TAOK3: variants seen among roughly 807,000 people sequenced by gnomAD.
The protein encoded by TAOK3 is TAO kinase 3.
TAOK3 carries 40 observed loss-of-function variants against 120.4 expected under a neutral mutation model. The observed-to-expected ratio is 0.33, with a 90% CI of 0.26 to 0.43. The LOEUF (loss-of-function observed/expected upper bound fraction) is 0.43. TAOK3 is among the 20% of genes least tolerant of loss of function. The pLI is 1.00. For missense variants in TAOK3, 821 were observed against 1,112.1 expected (o/e 0.74, Z 3.72); for synonymous variants, 355 against 387.5 (o/e 0.92, Z 0.99).
chr12:118,348,985 C>T (rs973908371), intron 1 of TAOK3, among the ~76,000 whole-genome samples: 15 of 151,578 alleles, frequency 9.9e-5, no homozygotes, highest in East Asian at 5.8e-4. Flanking sequence ...GCCTCCCAGG[C>T]GGTTCAAGCA....
chr12:118,177,080 A>T lies in TAOK3; in HGVS notation c.1695+121T>A, dbSNP rs539530811. The T allele has an allele frequency of 4.0e-5, 44 of 1,093,116 alleles. 1 individual carries two copies. The East Asian group carries it at 1.1e-3, about 27-fold the overall frequency. 67.7% of individuals were successfully genotyped at this position (1,093,116 alleles called of 1,614,324 possible). A position where few individuals can be genotyped will look rare whatever the true frequency, so the allele number is the denominator to read the frequency against. ...CTGTGCCCGGAAAGCATTTTAGGGTATTCTAATGTAAAGTTTGAGACTCAC... is the reference window on the plus strand; with the variant it reads ...CTGTGCCCGGAAAGCATTTTAGGGTTTTCTAATGTAAAGTTTGAGACTCAC... On this transcript the variant is annotated intron_variant, in intron 16 of 20. Transcript: ENST00000392533.
intron 1 of TAOK3, among the ~76,000 whole-genome samples, chr12:118,344,864 T>C (rs572272360): frequency 6.6e-6 from 1 of 152,300 alleles, no homozygotes; most frequent in Non-Finnish European, 1.5e-5. Flanking sequence ...CTGTTATATT[T>C]ACACTTTATT....
intron 1 of TAOK3, among the ~76,000 whole-genome samples, chr12:118,304,480 A>C (rs899509673): frequency 6.6e-6 from 1 of 152,222 alleles, no homozygotes. Flanking sequence ...TCGTATGATA[A>C]CTTGATTATT....
At chr12:118,170,627 G>A (rs544594388) in intron 17 of TAOK3, among the ~76,000 whole-genome samples, 15 of 152,256 alleles carry the variant, frequency 9.9e-5, no homozygotes, top group Admixed American at 2.0e-4. Context: ...ACCGGGCGTG[G>A]TGGTGTGTGC....
rs1342037510 is a variant in TAOK3, at chr12:118,372,746, C to G, written c.-292G>C. The G allele has an allele frequency of 6.5e-6, 1 of 153,060 alleles. No individual in the cohort carries two copies. Among genetic ancestry groups the G allele is most frequent in the African/African-American group, 2.4e-5 (1 of 41,442 alleles). The allele number at this position is 153,060 out of a possible 1,614,324, so 9.5% of individuals were successfully genotyped here. ...CGCTCTCCTGTGGCTTGTTCCCCGG[C>G]GGATCCTTGGGTCCGGTCGCTGAGT... On this transcript the variant is annotated 5_prime_UTR_variant, in exon 1 of 21. Coordinates refer to ENST00000392533, the MANE Select transcript of TAOK3 (RefSeq NM_016281.4). The surrounding 1 kb of genome is among the most constrained non-coding windows in gnomAD (Gnocchi z 4.6).
At chr12:118,169,309 C>T (rs2035838485) in intron 17 of TAOK3, among the ~76,000 whole-genome samples, 2 of 89,100 alleles carry the variant, frequency 2.2e-5, no homozygotes, top group African/African-American at 4.5e-5. Context: ...CCACCACGCC[C>T]ACCCCCACCC....
chr12:118,341,918 G>A (rs142644088), intron 1 of TAOK3, among the ~76,000 whole-genome samples: 2,131 of 152,280 alleles, frequency 0.014, 52 homozygotes, highest in African/African-American at 0.049. Context: ...AGCTACTTGG[G>A]AGGCTGAGGC....
intron 1 of TAOK3, among the ~76,000 whole-genome samples, chr12:118,361,462 C>CT (rs879290391): frequency 1.5e-3 from 206 of 141,978 alleles, no homozygotes; most frequent in Non-Finnish European, 1.6e-3. Context: ...ATTTTTTTTT[C>CT]TTTTTTTTTT....
intron 11 of TAOK3, among the ~76,000 whole-genome samples, chr12:118,209,720 T>C (rs1312887583): frequency 1.3e-5 from 2 of 148,252 alleles, no homozygotes; most frequent in Admixed American, 6.7e-5. Context: ...TCTTCTTCTT[T>C]TTTTTTTTTT....
chr12:118,197,682 C>CA (rs2037795829), intron 13 of TAOK3, among the ~76,000 whole-genome samples: 1 of 90,780 alleles, frequency 1.1e-5, no homozygotes, highest in Non-Finnish European at 2.0e-5. Context: ...GCAAAACCTT[C>CA]TTTTTTTTTT....
At chr12:118,304,343 C>T (rs1237481384) in intron 1 of TAOK3, among the ~76,000 whole-genome samples, 1 of 152,082 alleles carries the variant, frequency 6.6e-6, no homozygotes, top group African/African-American at 2.4e-5. Flanking sequence ...GAACTAGAAC[C>T]CTCAAAGGTC....
rs2045883180 is a variant in TAOK3, at chr12:118,371,283, G to A, written c.-194+1365C>T. Among the ~76,000 whole-genome samples the A allele has an allele frequency of 1.3e-5, 2 of 152,134 alleles. No individual in the cohort carries two copies. The highest frequency in any genetic ancestry group is 4.8e-5 in the African/African-American group (2 of 41,440). ...GAGGGGGAAGTGGGGGAGGTTTGAA[G>A]AAGCCCCTTCCAACTTTTCACCTGA... On this transcript the variant is annotated intron_variant, in intron 1 of 20. Coordinates refer to ENST00000392533, the MANE Select transcript of TAOK3 (RefSeq NM_016281.4). This position sits in a 1 kb window ranked among gnomAD's most constrained non-coding sequence, Gnocchi z 5.5.
At chr12:118,316,777 T>C (rs1029959273) in intron 1 of TAOK3, among the ~76,000 whole-genome samples, 1 of 152,144 alleles carries the variant, frequency 6.6e-6, no homozygotes, top group Admixed American at 6.6e-5. Flanking sequence ...ACTAGAGCTA[T>C]TAAATAAATT....
chr12:118,371,360 C>T lies in TAOK3; in HGVS notation c.-194+1288G>A, dbSNP rs1367257048. On this transcript the variant is annotated intron_variant, in intron 1 of 20. Coordinates refer to ENST00000392533, the MANE Select transcript of TAOK3 (RefSeq NM_016281.4). The surrounding 1 kb of genome is among the most constrained non-coding windows in gnomAD (Gnocchi z 5.5). ...TCGCTTTCAAGACATCCACATCAGA[C>T]TCTAAGGAACGAATGCGAAGCCAGC... Among the ~76,000 whole-genome samples, 2 of 152,152 alleles carry T rather than the reference C, an allele frequency of 1.3e-5. No homozygotes were observed. The highest frequency in any genetic ancestry group is 4.8e-5 in the African/African-American group (2 of 41,440).
intron 1 of TAOK3, among the ~76,000 whole-genome samples, chr12:118,352,112 T>C (rs1307742234): frequency 6.6e-6 from 1 of 151,950 alleles, no homozygotes; most frequent in African/African-American, 2.4e-5. Flanking sequence ...GACCTCGTGG[T>C]CCGCCCACCT....
intron 1 of TAOK3, among the ~76,000 whole-genome samples, chr12:118,276,278 C>T (rs1428397433): frequency 6.6e-6 from 1 of 152,106 alleles, no homozygotes; most frequent in Non-Finnish European, 1.5e-5. Context: ...GGTTGAATTC[C>T]AGAATAATTG....
In TAOK3 at chr12:118,372,396, ACT is replaced by A. The variant is rs1368966664; in HGVS notation, c.-194+250_-194+251del. Among the ~76,000 whole-genome samples the A allele has an allele frequency of 3.4e-5, 3 of 89,344 alleles. No homozygotes were observed. In the East Asian group the frequency reaches 1.1e-3, roughly 33 times the overall value. 58.6% of individuals were successfully genotyped at this position (89,344 alleles called of 152,430 possible). On this transcript the variant is annotated intron_variant, in intron 1 of 20. Transcript: ENST00000392533. This position sits in a 1 kb window ranked among gnomAD's most constrained non-coding sequence, Gnocchi z 4.6. Reference sequence around the variant, plus strand: ...CTCCGGGTCCCTTCCTCTCACGCGCACTGTCCCGGCCCCTCTTGGAGACCCCT... The same window carrying A: ...CTCCGGGTCCCTTCCTCTCACGCGCAGTCCCGGCCCCTCTTGGAGACCCCT...
chr12:118,195,204 C>T (rs1001708097), intron 13 of TAOK3, among the ~76,000 whole-genome samples: 29 of 152,044 alleles, frequency 1.9e-4, no homozygotes, highest in African/African-American at 6.8e-4. Flanking sequence ...TAAAATAACA[C>T]TGATTCAAGA....
At chr12:118,233,077 A>C (rs1291312161) in intron 9 of TAOK3, among the ~76,000 whole-genome samples, 2 of 152,078 alleles carry the variant, frequency 1.3e-5, no homozygotes, top group African/African-American at 4.8e-5. Context: ...CAGCCATAAA[A>C]AATGATGAGT....
Sources: gnomAD v4.1 joint callset for allele counts (sites outside exome capture counted in the v4.1 genomes callset) on GRCh38, gnomAD v4.1.1 for gene constraint, Gnocchi (gnomAD v3.1) non-coding constraint, MANE v1.5 for transcripts, NCBI Gene and HGNC (gene_info 2026-07-23, HGNC 2026-07-21) for gene names.